Variants in DERA observed in about 807,000 individuals in gnomAD.
DERA encodes the protein deoxyribose-phosphate aldolase.
A neutral mutation model predicts 41.1 loss-of-function variants in DERA; 15 were observed. That is an observed-to-expected ratio of 0.37 (90% CI 0.24 to 0.56). The LOEUF (loss-of-function observed/expected upper bound fraction) is 0.56. Ranked by LOEUF, DERA falls within the 20% of genes least tolerant of loss-of-function variation. The pLI, the probability that DERA is intolerant of heterozygous loss-of-function variation, is 0.81. For missense variants in DERA, 396 were observed against 403.4 expected, an observed-to-expected ratio of 0.98 and a Z score of 0.16; for synonymous variants, 139 against 137.4, an observed-to-expected ratio of 1.01 and a Z score of -0.08.
intron 1 of DERA, among the ~76,000 whole-genome samples, chr12:15,917,242 T>C (rs1480691168): frequency 2.0e-5 from 3 of 152,204 alleles, no homozygotes; most frequent in African/African-American, 2.4e-5. Flanking sequence ...GGCAGTGTAT[T>C]CTTCATTAGG....
In DERA at chr12:15,935,606, G is replaced by A. The variant is rs112508065; in HGVS notation, c.32-21330G>A. Among the ~76,000 whole-genome samples the A allele has an allele frequency of 7.8e-3, 1,181 of 152,268 alleles. 23 individuals carry two copies. The highest frequency in any genetic ancestry group is 0.028 in the African/African-American group (1,147 of 41,536). ...TAATTTGATTTATTTATTTTTATTA[G>A]TGGGATTTTAAATATTTACATTTTA... On this transcript the variant is annotated intron_variant, in intron 1 of 8. Transcript: ENST00000428559. This position sits in a 1 kb window ranked among gnomAD's most constrained non-coding sequence, Gnocchi z 4.8.
In DERA at chr12:15,954,560, A is replaced by G. The variant is rs1565594522; in HGVS notation, c.32-2376A>G. ...TTGGTAGAAGGAGCTTGCAGCATGC[A>G]CAGATCCAGAGACAGCCTGGCATAA... is the stretch of plus-strand genomic sequence containing the variant. On this transcript the variant is annotated intron_variant, in intron 1 of 8. Transcript: ENST00000428559. This position sits in a 1 kb window ranked among gnomAD's most constrained non-coding sequence, Gnocchi z 4.0. Among the ~76,000 whole-genome samples the G allele has an allele frequency of 1.3e-5, 2 of 152,338 alleles. No individual in the cohort carries two copies. The highest frequency in any genetic ancestry group is 2.4e-5 in the African/African-American group (1 of 41,580).
rs1056391828 is a variant in DERA at position 16,019,603 on chromosome 12, A to G, written c.638-12939A>G. 6.6e-6 allele frequency among the ~76,000 whole-genome samples: 1 copy of G among 152,116 alleles called. No homozygotes were observed. Among genetic ancestry groups the G allele is most frequent in the East Asian group, 1.9e-4 (1 of 5,190 alleles). Reference sequence around the variant, plus strand: ...GTATTCTTTCATTATTTGGTATGCCATATACTTTCTTTGCTTTTGGTGTTT... The same window carrying G: ...GTATTCTTTCATTATTTGGTATGCCGTATACTTTCTTTGCTTTTGGTGTTT... On this transcript the variant is annotated intron_variant, in intron 6 of 8. Coordinates refer to ENST00000428559, the MANE Select transcript of DERA (RefSeq NM_015954.4). This position sits in a 1 kb window ranked among gnomAD's most constrained non-coding sequence, Gnocchi z 4.4.
chr12:16,018,422 A>G (rs575604886), intron 6 of DERA, among the ~76,000 whole-genome samples: 1 of 152,328 alleles, frequency 6.6e-6, no homozygotes, highest in Non-Finnish European at 1.5e-5. Context: ...GCAAAAATAC[A>G]TAGTACATTT....
At chr12:15,946,046 G>A (rs573532955) in intron 1 of DERA, among the ~76,000 whole-genome samples, 7 of 152,234 alleles carry the variant, frequency 4.6e-5, no homozygotes, top group South Asian at 2.1e-4. Flanking sequence ...ATTTGTGTAC[G>A]TTGAACCAGC....
chr12:16,018,157 A>T (rs770841011), intron 6 of DERA, among the ~76,000 whole-genome samples: 1 of 152,122 alleles, frequency 6.6e-6, no homozygotes. Flanking sequence ...TTAAGATATT[A>T]TTTTTTTAAA....
chr12:15,974,405 T>C (rs1948683982), intron 5 of DERA, among the ~76,000 whole-genome samples: 1 of 152,196 alleles, frequency 6.6e-6, no homozygotes, highest in African/African-American at 2.4e-5. Context: ...CTTTGACGAT[T>C]ACGGGCCTGT....
chr12:15,925,292 C>T (rs753638866), intron 1 of DERA, among the ~76,000 whole-genome samples: 1 of 152,196 alleles, frequency 6.6e-6, no homozygotes, highest in Admixed American at 6.5e-5. Flanking sequence ...CCTTCACTTT[C>T]ATAAACCCTT....
intron 1 of DERA, among the ~76,000 whole-genome samples, chr12:15,929,416 CCAGA>C (rs1167376379): frequency 6.6e-6 from 1 of 152,082 alleles, no homozygotes; most frequent in African/African-American, 2.4e-5. Flanking sequence ...ACAGATACTC[CCAGA>C]CAGTGTTGGC....
In DERA at chr12:15,935,092, A is replaced by G. The variant is rs147715151; in HGVS notation, c.32-21844A>G. Among the ~76,000 whole-genome samples, 2 of 152,336 alleles carry G rather than the reference A, an allele frequency of 1.3e-5. No homozygotes were observed. Among genetic ancestry groups the G allele is most frequent in the East Asian group, 3.9e-4 (2 of 5,192 alleles). ...TTGGAAAAACAATTGACAGACATCA[A>G]GTTAAGGTTTTTGAAAAACTAAAAA... On this transcript the variant is annotated intron_variant, in intron 1 of 8. Transcript: ENST00000428559. The surrounding 1 kb of genome is among the most constrained non-coding windows in gnomAD (Gnocchi z 4.8).
rs117004001 is a variant in DERA at position 15,937,796 on chromosome 12, G to A, written c.32-19140G>A. Among the ~76,000 whole-genome samples the A allele has an allele frequency of 9.9e-4, 151 of 152,228 alleles. 2 individuals are homozygous for A. The East Asian group carries it at 0.027, about 27-fold the overall frequency. On this transcript the variant is annotated intron_variant, in intron 1 of 8. Coordinates refer to ENST00000428559, the MANE Select transcript of DERA (RefSeq NM_015954.4). The stretch of plus-strand genomic sequence containing the variant: ...TAGTTACTTAATTAATCTTGGTTAA[G>A]TGAATGGCTATACTTCCTTTATTCT...
rs1949099539 is a variant in DERA at position 16,032,535 on chromosome 12, G to A, written c.638-7G>A. On this transcript the variant is annotated splice_polypyrimidine_tract_variant and splice_region_variant and intron_variant, in intron 6 of 8. Coordinates refer to ENST00000428559, the MANE Select transcript of DERA (RefSeq NM_015954.4). Reference sequence around the variant, plus strand: ...TTAACATGGAGTTTTTCCTCTTTTTGTTTTAGGATCAGATTTTATTAAGAC... The same window carrying A: ...TTAACATGGAGTTTTTCCTCTTTTTATTTTAGGATCAGATTTTATTAAGAC... 1 of 1,377,318 alleles carries A rather than the reference G, an allele frequency of 7.3e-7. No individual in the cohort carries two copies. Among genetic ancestry groups the A allele is most frequent in the African/African-American group, 1.5e-5 (1 of 66,058 alleles). 85.3% of individuals were successfully genotyped at this position (1,377,318 alleles called of 1,614,324 possible). A position where few individuals can be genotyped will look rare whatever the true frequency, so the allele number is the denominator to read the frequency against.
intron 1 of DERA, among the ~76,000 whole-genome samples, chr12:15,932,081 T>C (rs1948332473): frequency 6.6e-6 from 1 of 152,204 alleles, no homozygotes; most frequent in South Asian, 2.1e-4. Flanking sequence ...TATTCTTTTA[T>C]TGCAACACAA....
chr12:15,931,659 G>C lies in DERA; in HGVS notation c.31+20245G>C, dbSNP rs1293642535. On this transcript the variant is annotated intron_variant, in intron 1 of 8. Coordinates refer to ENST00000428559, the MANE Select transcript of DERA (RefSeq NM_015954.4). The surrounding 1 kb of genome is among the most constrained non-coding windows in gnomAD (Gnocchi z 4.6). The stretch of plus-strand genomic sequence containing the variant: ...GTGGTTTGTCTACACTAAAGCTGAT[G>C]TTCAAATTTGATCCTCAGTGTGGCA... Among the ~76,000 whole-genome samples, 3 of 152,198 alleles carry C rather than the reference G, an allele frequency of 2.0e-5. No individual in the cohort carries two copies. The highest frequency in any genetic ancestry group is 7.2e-5 in the African/African-American group (3 of 41,460).
chr12:15,978,674 T>G (rs1386571221), intron 5 of DERA, among the ~76,000 whole-genome samples: 1 of 152,162 alleles, frequency 6.6e-6, no homozygotes, highest in Non-Finnish European at 1.5e-5. Context: ...AGTAAGCCGT[T>G]TCCCCCAGAC....
intron 1 of DERA, among the ~76,000 whole-genome samples, chr12:15,946,230 A>G (rs1358673104): frequency 6.6e-6 from 1 of 152,198 alleles, no homozygotes; most frequent in Non-Finnish European, 1.5e-5. Context: ...TATCAGGATG[A>G]TGCTGGCCTC....
rs1948549372 is a variant in DERA, at chr12:15,957,557, GT to G, written c.129+525del. On this transcript the variant is annotated intron_variant, in intron 2 of 8. Coordinates refer to ENST00000428559, the MANE Select transcript of DERA (RefSeq NM_015954.4). The surrounding 1 kb of genome is among the most constrained non-coding windows in gnomAD (Gnocchi z 4.8). ...AGTGTATCCCAACCAAAGACGTGCTGTGTAGGATTAAAGGGAATTCAGAGTT... is the reference window on the plus strand; with the variant it reads ...AGTGTATCCCAACCAAAGACGTGCTGGTAGGATTAAAGGGAATTCAGAGTT... Among the ~76,000 whole-genome samples, 1 of 152,174 alleles carries G rather than the reference GT, an allele frequency of 6.6e-6. No individual in the cohort carries two copies. Among genetic ancestry groups the G allele is most frequent in the African/African-American group, 2.4e-5 (1 of 41,442 alleles).
intron 1 of DERA, among the ~76,000 whole-genome samples, chr12:15,925,716 T>G (rs1948277048): frequency 6.6e-6 from 1 of 151,844 alleles, no homozygotes; most frequent in Non-Finnish European, 1.5e-5. Flanking sequence ...CTGTGGGAGG[T>G]GCAGTGCAAT....
rs948834195 is a variant in DERA, at chr12:16,004,028, T to C, written c.637+21592T>C. Among the ~76,000 whole-genome samples the C allele has an allele frequency of 2.6e-5, 4 of 152,142 alleles. No individual in the cohort carries two copies. The highest frequency in any genetic ancestry group is 9.7e-5 in the African/African-American group (4 of 41,414). ...TAAGTGCAGTAAGAGTAAAACATGC[T>C]TTTCTGGGCTGGCTGGGACTTACTA... On this transcript the variant is annotated intron_variant, in intron 6 of 8. Transcript: ENST00000428559. The surrounding 1 kb of genome is among the most constrained non-coding windows in gnomAD (Gnocchi z 4.2).
Sources: gnomAD v4.1 joint callset for allele counts (sites outside exome capture counted in the v4.1 genomes callset) on GRCh38, gnomAD v4.1.1 for gene constraint, Gnocchi (gnomAD v3.1) non-coding constraint, MANE v1.5 for transcripts, NCBI Gene and HGNC (gene_info 2026-07-23, HGNC 2026-07-21) for gene names.